The following XIRP2 variants were observed in gnomAD, a reference collection of about 807,000 sequenced individuals.
XIRP2 encodes xin actin-binding repeat-containing protein 2.
XIRP2 carries 236 observed loss-of-function variants against 277.0 expected under a neutral mutation model. That is an observed-to-expected ratio of 0.85 (90% CI 0.77 to 0.95). The LOEUF (loss-of-function observed/expected upper bound fraction) is 0.95, where lower values mean the gene tolerates loss of function less well. XIRP2 is among the 40% of genes least tolerant of loss of function. The pLI, the probability that XIRP2 is intolerant of heterozygous loss-of-function variation, is 0.00. For missense variants in XIRP2, 4,640 were observed against 4,157.5 expected, an observed-to-expected ratio of 1.12 and a Z score of -3.19; for synonymous variants, 1,490 against 1,416.5, an observed-to-expected ratio of 1.05 and a Z score of -1.17.
At position 167,090,442 on chromosome 2, in the gene XIRP2, CT is replaced by C. The variant is rs546655605; in HGVS notation, c.409-45463del. On this transcript the variant is annotated intron_variant, in intron 2 of 10. Transcript: ENST00000409195. ...ATCCACCTGAAAAACACTTTATGGT[CT>C]TTTGTTTTATCTGTGTCTGATGGTA... Among the ~76,000 whole-genome samples, 469 of 152,012 alleles carry C rather than the reference CT, an allele frequency of 3.1e-3. 5 individuals carry two copies. Among genetic ancestry groups the C allele is most frequent in the African/African-American group, 8.0e-3 (333 of 41,434 alleles).
chr2:166,975,742 G>A (rs944122252), intron 2 of XIRP2, among the ~76,000 whole-genome samples: 4 of 151,844 alleles, frequency 2.6e-5, no homozygotes, highest in South Asian at 4.2e-4. Context: ...TGGCTAACAC[G>A]GTGAAACCCC....
chr2:167,255,547 T>G (rs1166841199), intron 10 of XIRP2, among the ~76,000 whole-genome samples: 1 of 151,834 alleles, frequency 6.6e-6, no homozygotes, highest in Non-Finnish European at 1.5e-5. Flanking sequence ...CCATAGCAAG[T>G]ATCATCTATT....
rs1359805059 is a variant in XIRP2, at chr2:167,142,311, AG to A, written c.562+6251del. Reference sequence around the variant, plus strand: ...ACGCTTATAATCCCAAAACTTTGGGAGGCCAAGGTGGGCAGATCATGAAGTC... The same window carrying A: ...ACGCTTATAATCCCAAAACTTTGGGAGCCAAGGTGGGCAGATCATGAAGTC... On this transcript the variant is annotated intron_variant, in intron 3 of 10. Coordinates refer to ENST00000409195, the MANE Select transcript of XIRP2 (RefSeq NM_152381.6). 3.3e-5 allele frequency among the ~76,000 whole-genome samples: 5 copies of A among 152,136 alleles called. No individual in the cohort carries two copies. The East Asian group carries it at 9.7e-4, about 29-fold the overall frequency.
intron 3 of XIRP2, among the ~76,000 whole-genome samples, chr2:167,152,637 A>G (rs1692050151): frequency 6.6e-6 from 1 of 152,060 alleles, no homozygotes; most frequent in Non-Finnish European, 1.5e-5. Flanking sequence ...TTTTTTACCC[A>G]ATATAACCCA....
chr2:167,112,630 T>A (rs1690791660), intron 2 of XIRP2, among the ~76,000 whole-genome samples: 1 of 149,338 alleles, frequency 6.7e-6, no homozygotes, highest in East Asian at 1.9e-4. Context: ...TATATTTTTA[T>A]GTATATATAT....
At chr2:167,098,507 A>T (rs746109436) in intron 2 of XIRP2, among the ~76,000 whole-genome samples, 21 of 152,158 alleles carry the variant, frequency 1.4e-4, no homozygotes, top group Admixed American at 2.6e-4. Context: ...CCTTTAGAGG[A>T]GTTTGTTATT....
chr2:167,258,227 C>T lies in XIRP2; in HGVS notation c.*410C>T, dbSNP rs1478698102. The T allele has an allele frequency of 5.0e-6, 8 of 1,612,910 alleles. No homozygotes were observed. The highest frequency in any genetic ancestry group is 2.2e-5 in the East Asian group (1 of 44,820). ...TGAGGAAGAGCTCAAAATGAGTAAA[C>T]CTAAGTGGCCACCTGAAATGACAAC... On this transcript the variant is annotated 3_prime_UTR_variant, in exon 11 of 11. Transcript: ENST00000409195.
At chr2:167,136,932 G>A (rs1691570136) in intron 3 of XIRP2, among the ~76,000 whole-genome samples, 1 of 152,170 alleles carries the variant, frequency 6.6e-6, no homozygotes, top group Non-Finnish European at 1.5e-5. Context: ...TTAAAACTTT[G>A]TTATTGAAAG....
At chr2:167,100,772 C>G (rs1690465168) in intron 2 of XIRP2, among the ~76,000 whole-genome samples, 1 of 152,198 alleles carries the variant, frequency 6.6e-6, no homozygotes, top group Non-Finnish European at 1.5e-5. Flanking sequence ...GACCTTCAAC[C>G]TCTGCCTCTC....
intron 2 of XIRP2, among the ~76,000 whole-genome samples, chr2:166,945,663 C>CTTTTT (rs71395267): frequency 1.5e-3 from 107 of 69,262 alleles, no homozygotes; most frequent in Non-Finnish European, 1.9e-3. Flanking sequence ...TAAGATAAAT[C>CTTTTT]TTTTTTTTTT....
At chr2:167,005,288 G>A (rs1481280905) in intron 2 of XIRP2, among the ~76,000 whole-genome samples, 1 of 151,790 alleles carries the variant, frequency 6.6e-6, no homozygotes, top group African/African-American at 2.4e-5. Context: ...ATTCTTTAGA[G>A]ACTATATTAG....
intron 2 of XIRP2, among the ~76,000 whole-genome samples, chr2:166,910,277 C>A (rs1301917115): frequency 6.6e-6 from 1 of 152,066 alleles, no homozygotes; most frequent in Non-Finnish European, 1.5e-5. Context: ...TAAATTATTG[C>A]CTTAATTTCA....
At position 167,258,421 on chromosome 2, in the gene XIRP2, A is replaced by T; in HGVS notation, c.*604A>T. 6.2e-7 allele frequency: 1 copy of T among 1,613,428 alleles called. No homozygotes were observed. The highest frequency in any genetic ancestry group is 8.5e-7 in the Non-Finnish European group (1 of 1,179,690). On this transcript the variant is annotated 3_prime_UTR_variant, in exon 11 of 11. Coordinates refer to ENST00000409195, the MANE Select transcript of XIRP2 (RefSeq NM_152381.6). ...GAATCAAAGAAATGAAAATGCCTGA[A>T]GGAAGAAAAGATGAAAAGAAGGAAG...
At chr2:166,911,044 A>G (rs1684685796) in intron 2 of XIRP2, among the ~76,000 whole-genome samples, 1 of 152,146 alleles carries the variant, frequency 6.6e-6, no homozygotes, top group South Asian at 2.1e-4. Context: ...TATGTGGTCA[A>G]TTTTGGAATA....
At chr2:167,120,871 T>C (rs1482342671) in intron 2 of XIRP2, among the ~76,000 whole-genome samples, 1 of 152,204 alleles carries the variant, frequency 6.6e-6, no homozygotes, top group African/African-American at 2.4e-5. Flanking sequence ...ATCTCTGAAG[T>C]CTCTCTTTGA....
chr2:167,201,399 C>A (rs12105909), intron 3 of XIRP2, among the ~76,000 whole-genome samples: 15,020 of 135,804 alleles, frequency 0.11, 1,079 homozygotes, highest in African/African-American at 0.23. Context: ...CATATACCTT[C>A]AGTATATACC....
chr2:167,069,874 G>A (rs954107604), intron 2 of XIRP2, among the ~76,000 whole-genome samples: 2 of 151,998 alleles, frequency 1.3e-5, no homozygotes, highest in African/African-American at 2.4e-5. Flanking sequence ...TATTTCACTC[G>A]GCTTTCTTAG....
At chr2:166,967,845 AT>A (rs1404094830) in intron 2 of XIRP2, among the ~76,000 whole-genome samples, 1 of 151,824 alleles carries the variant, frequency 6.6e-6, no homozygotes, top group Non-Finnish European at 1.5e-5. Context: ...GCTACTTTTA[AT>A]TTTTTTGATT....
intron 5 of XIRP2, among the ~76,000 whole-genome samples, chr2:167,222,471 C>G (rs1369664229): frequency 2.6e-5 from 4 of 152,174 alleles, no homozygotes; most frequent in Admixed American, 1.3e-4. Context: ...TTTTGTTTTT[C>G]ATAACAACCA....
Sources: gnomAD v4.1 joint callset for allele counts (sites outside exome capture counted in the v4.1 genomes callset) on GRCh38, gnomAD v4.1.1 for gene constraint, MANE v1.5 for transcripts, NCBI Gene and HGNC (gene_info 2026-07-23, HGNC 2026-07-21) for gene names.